LSAMP: variants seen among roughly 807,000 people sequenced by gnomAD.
The protein encoded by LSAMP is limbic system-associated membrane protein.
LSAMP carries 7 observed loss-of-function variants against 38.6 expected under a neutral mutation model. That is an observed-to-expected ratio of 0.18 (90% CI 0.10 to 0.34). The LOEUF is 0.34. LSAMP is among the 10% of genes least tolerant of loss of function. The probability of loss-of-function intolerance (pLI) is 1.00; values close to 1 mark genes in which losing one functional copy is unlikely to be tolerated. For missense variants in LSAMP, 313 were observed against 420.0 expected (o/e 0.75, Z 2.23); for synonymous variants, 154 against 166.8 (o/e 0.92, Z 0.59).
intron 3 of LSAMP, among the ~76,000 whole-genome samples, chr3:115,859,027 G>C (rs560869263): frequency 2.6e-5 from 4 of 152,292 alleles, no homozygotes; most frequent in South Asian, 2.1e-4. Flanking sequence ...AAGGAAGAGA[G>C]AAAGAAACAC....
intron 1 of LSAMP, among the ~76,000 whole-genome samples, chr3:116,328,055 TG>T (rs1350402826): frequency 6.6e-6 from 1 of 152,194 alleles, no homozygotes; most frequent in Non-Finnish European, 1.5e-5. Context: ...ATAGTCTTTT[TG>T]GTGCTCATTA....
At chr3:116,008,426 AT>A (rs1260744074) in intron 3 of LSAMP, among the ~76,000 whole-genome samples, 1 of 152,074 alleles carries the variant, frequency 6.6e-6, no homozygotes, top group African/African-American at 2.4e-5. Context: ...TCATTATCTC[AT>A]TTGATCCCTG....
chr3:116,395,846 G>A (rs976224962), intron 1 of LSAMP, among the ~76,000 whole-genome samples: 1 of 152,178 alleles, frequency 6.6e-6, no homozygotes, highest in Non-Finnish European at 1.5e-5. Flanking sequence ...TTGCCAGACA[G>A]CCTGCCTAGA....
chr3:115,888,783 G>A (rs1455588380), intron 3 of LSAMP, among the ~76,000 whole-genome samples: 1 of 151,880 alleles, frequency 6.6e-6, no homozygotes, highest in Admixed American at 6.6e-5. Context: ...ATCTCAGACT[G>A]TTTGGAAGTA....
At chr3:116,241,235 C>T (rs568008072) in intron 1 of LSAMP, among the ~76,000 whole-genome samples, 12 of 149,592 alleles carry the variant, frequency 8.0e-5, no homozygotes, top group Admixed American at 4.0e-4. Context: ...TGCTTCCTGT[C>T]CAAGGTTTCA....
chr3:115,954,731 A>G (rs1241426962), intron 3 of LSAMP, among the ~76,000 whole-genome samples: 1 of 152,198 alleles, frequency 6.6e-6, no homozygotes, highest in Non-Finnish European at 1.5e-5. Flanking sequence ...ATTAGATGCC[A>G]CTTTTCTAGT....
At chr3:116,209,424 C>G (rs549739687) in intron 1 of LSAMP, among the ~76,000 whole-genome samples, 27 of 152,326 alleles carry the variant, frequency 1.8e-4, no homozygotes, top group Non-Finnish European at 2.8e-4. Context: ...TGGCTCTTCC[C>G]TCAAATTTCT....
intron 1 of LSAMP, among the ~76,000 whole-genome samples, chr3:116,108,207 T>C (rs950993097): frequency 2.0e-5 from 3 of 151,978 alleles, no homozygotes; most frequent in African/African-American, 4.8e-5. Flanking sequence ...AGGCTTTGGA[T>C]TGGGAAGAAG....
intron 1 of LSAMP, among the ~76,000 whole-genome samples, chr3:116,267,413 T>C (rs1393678602): frequency 6.6e-6 from 1 of 152,152 alleles, no homozygotes; most frequent in Non-Finnish European, 1.5e-5. Context: ...TTGTACAATG[T>C]TTCCTGTTGT....
chr3:115,844,779 C>A (rs1935102962), intron 4 of LSAMP, among the ~76,000 whole-genome samples: 2 of 152,118 alleles, frequency 1.3e-5, no homozygotes, highest in Non-Finnish European at 2.9e-5. Flanking sequence ...GAGTTTGAGA[C>A]CAGCCTGGCC....
chr3:116,247,309 C>G (rs547176219), intron 1 of LSAMP, among the ~76,000 whole-genome samples: 196 of 152,278 alleles, frequency 1.3e-3, no homozygotes, highest in African/African-American at 4.6e-3. Context: ...TCTATCAGAC[C>G]AGAGCCTTTC....
intron 1 of LSAMP, among the ~76,000 whole-genome samples, chr3:116,366,707 C>T (rs1482327690): frequency 6.6e-6 from 1 of 152,172 alleles, no homozygotes; most frequent in East Asian, 1.9e-4. Context: ...TGGGAATTCA[C>T]AAATGATTGT....
intron 1 of LSAMP, among the ~76,000 whole-genome samples, chr3:116,265,386 C>T (rs2046878185): frequency 6.6e-6 from 1 of 152,184 alleles, no homozygotes; most frequent in Non-Finnish European, 1.5e-5. Context: ...TCTATCATAG[C>T]AGATTTACAT....
intron 4 of LSAMP, 70 bp from the exon 5 acceptor site, chr3:115,842,648 TGAA>T: frequency 6.3e-7 from 1 of 1,583,604 alleles, no homozygotes; most frequent in Non-Finnish European, 8.6e-7. Flanking sequence ...CAGGAAGGAA[TGAA>T]GAAGGACAAT....
intron 1 of LSAMP, among the ~76,000 whole-genome samples, chr3:116,421,788 GA>G (rs1553734330): frequency 1.3e-5 from 2 of 152,072 alleles, no homozygotes; most frequent in African/African-American, 2.4e-5. Context: ...CATAAGTGTC[GA>G]CAAGTATATG....
chr3:115,830,425 T>C (rs886247211), intron 6 of LSAMP, among the ~76,000 whole-genome samples: 4 of 152,224 alleles, frequency 2.6e-5, no homozygotes, highest in African/African-American at 9.6e-5. Context: ...TGATTATTAA[T>C]ATACTATAGA....
At chr3:116,416,747 C>G (rs894847187) in intron 1 of LSAMP, among the ~76,000 whole-genome samples, 1 of 152,134 alleles carries the variant, frequency 6.6e-6, no homozygotes, top group Non-Finnish European at 1.5e-5. Context: ...TTATCACCTC[C>G]TGGGTCCCTT....
intron 2 of LSAMP, among the ~76,000 whole-genome samples, chr3:116,057,967 A>ACACCCC (rs1553699989): frequency 1.0e-3 from 150 of 147,648 alleles, no homozygotes; most frequent in African/African-American, 3.5e-3. Flanking sequence ...CCACACACAC[A>ACACCCC]CACACACACA....
intron 1 of LSAMP, among the ~76,000 whole-genome samples, chr3:116,151,288 C>T (rs1028568558): frequency 1.3e-5 from 2 of 151,898 alleles, no homozygotes; most frequent in African/African-American, 4.8e-5. Flanking sequence ...TTATGTATCT[C>T]AATCTGAGCA....
Sources: allele counts gnomAD v4.1 joint callset (sites outside exome capture counted in the v4.1 genomes callset), GRCh38; gene constraint gnomAD v4.1.1; transcripts MANE v1.5; gene names NCBI Gene and HGNC (gene_info 2026-07-23, HGNC 2026-07-21).